The following GLG1 variants were observed in gnomAD, a reference collection of about 807,000 sequenced individuals.
GLG1 encodes golgi glycoprotein 1, also known as Golgi apparatus protein 1.
A neutral mutation model predicts 160.5 loss-of-function variants in GLG1; 38 were observed. The ratio of observed to expected loss-of-function variants is 0.24; its 90% confidence interval spans 0.18 to 0.31. The LOEUF (loss-of-function observed/expected upper bound fraction) is 0.31, where lower values mean the gene tolerates loss of function less well. Among genes scored for constraint, GLG1 ranks in the 10% least tolerant of loss-of-function variants. GLG1 has a pLI of 1.00. For synonymous variants in GLG1, 644 were observed against 543.4 expected (o/e 1.19, Z -2.57); for missense variants, 1,373 against 1,505.2 (o/e 0.91, Z 1.45).
At chr16:74,497,434 CTTTTTTTTTTTT>C (rs773526380) in intron 4 of GLG1, among the ~76,000 whole-genome samples, 15 of 117,142 alleles carry the variant, frequency 1.3e-4, no homozygotes, top group Non-Finnish European at 2.3e-4. Context: ...ACAGTGCTTG[CTTTTTTTTTTTT>C]TTTTTTTTTG....
chr16:74,604,926 G>A (rs947187471), intron 1 of GLG1, among the ~76,000 whole-genome samples: 4 of 152,156 alleles, frequency 2.6e-5, no homozygotes, highest in African/African-American at 9.7e-5. Context: ...GCGCTCGCCT[G>A]TAGTCCCAGG....
At position 74,600,343 on chromosome 16, in the gene GLG1, T is replaced by C. The variant is rs1337843643; in HGVS notation, c.438+6314A>G. Among the ~76,000 whole-genome samples the C allele has an allele frequency of 8.7e-5, 12 of 137,774 alleles. No homozygotes were observed. The East Asian group carries it at 2.8e-3, about 32-fold the overall frequency. 90.4% of individuals were successfully genotyped at this position (137,774 alleles called of 152,430 possible). On this transcript the variant is annotated intron_variant, in intron 1 of 25. Transcript: ENST00000422840. ...AGGAGTTTGAGGTTGCAGTGAGCCA[T>C]GATCATGCCACTGCACTCCAGCCAG... is the stretch of plus-strand genomic sequence containing the variant.
At chr16:74,567,200 G>C (rs1010831155) in intron 1 of GLG1, among the ~76,000 whole-genome samples, 10 of 147,358 alleles carry the variant, frequency 6.8e-5, no homozygotes, top group Non-Finnish European at 1.4e-4. Flanking sequence ...TAGGGAGCGG[G>C]GAGAGAGAGA....
At chr16:74,569,359 T>C (rs942823937) in intron 1 of GLG1, among the ~76,000 whole-genome samples, 4 of 152,206 alleles carry the variant, frequency 2.6e-5, no homozygotes, top group African/African-American at 9.7e-5. Context: ...AATAGACATT[T>C]AAACACAGTA....
intron 21 of GLG1, 74 bp from the exon 22 acceptor site, chr16:74,462,269 A>C: frequency 2.3e-6 from 2 of 870,408 alleles, no homozygotes; most frequent in Non-Finnish European, 3.7e-6. Context: ...GACATGAAAA[A>C]AAAAACAAAC....
At chr16:74,592,668 A>G (rs1420924344) in intron 1 of GLG1, among the ~76,000 whole-genome samples, 1 of 152,186 alleles carries the variant, frequency 6.6e-6, no homozygotes, top group Admixed American at 6.6e-5. Flanking sequence ...ATAACTGGTA[A>G]GTGAGCTAGG....
At chr16:74,479,870 G>T (rs1488034724) in intron 11 of GLG1, among the ~76,000 whole-genome samples, 1 of 152,188 alleles carries the variant, frequency 6.6e-6, no homozygotes, top group Non-Finnish European at 1.5e-5. Context: ...GTGTTCAGCT[G>T]CCAAGAGGAG....
rs1033874602 is a variant in GLG1 at position 74,503,206 on chromosome 16, CA to C, written c.774+324del. ...TGGGAAACAGAGGGAGACTCTGTTT[CA>C]AAAAAAAAATATTAGAGAACTCAGG... On this transcript the variant is annotated intron_variant, in intron 4 of 25. Transcript: ENST00000422840. 3.4e-5 allele frequency among the ~76,000 whole-genome samples: 5 copies of C among 147,502 alleles called. No individual in the cohort carries two copies. In the East Asian group the frequency reaches 8.0e-4, roughly 24 times the overall value.
At chr16:74,459,177 T>C (rs191841933) in intron 23 of GLG1, among the ~76,000 whole-genome samples, 71 of 152,294 alleles carry the variant, frequency 4.7e-4, no homozygotes, top group Non-Finnish European at 7.9e-4. Context: ...AGTGAAATTC[T>C]TTTTTAAAAG....
At chr16:74,599,803 G>A (rs1048617809) in intron 1 of GLG1, among the ~76,000 whole-genome samples, 8 of 151,896 alleles carry the variant, frequency 5.3e-5, no homozygotes, top group Non-Finnish European at 8.8e-5. Context: ...GGTAGAGCTT[G>A]CAGTGAGCCG....
At chr16:74,534,831 G>C (rs1316288036) in intron 1 of GLG1, among the ~76,000 whole-genome samples, 6 of 152,334 alleles carry the variant, frequency 3.9e-5, no homozygotes, top group South Asian at 2.1e-4. Context: ...AGTTAATTGA[G>C]TCTCCATGGA....
chr16:74,510,153 T>A (rs541629505), intron 2 of GLG1, among the ~76,000 whole-genome samples: 2 of 151,496 alleles, frequency 1.3e-5, no homozygotes, highest in Non-Finnish European at 2.9e-5. Context: ...TGCCTCGGCC[T>A]CCCGAGTAGC....
Position 74,457,946 on chromosome 16 carries a change from G to C in GLG1, c.3193C>G (p.Pro1065Ala). ...KESKADIFVD[P>A]VLHTACALDI... ...AGGGCACAAGCAGTATGAAGTACCGGGTCAACAAAGATGTCTGCTTTGCTT... is the reference window on the plus strand; with the variant it reads ...AGGGCACAAGCAGTATGAAGTACCGCGTCAACAAAGATGTCTGCTTTGCTT... The change falls in exon 24 of 26, where the codon CCG (proline) becomes GCG (alanine). Residue 1065 changes from proline to alanine, a missense_variant. By Grantham distance (27) the Pro-to-Ala change is conservative. This residue lies in a region of GLG1 where 491 missense variants were observed against 632.1 expected (regional missense o/e 0.78). Coordinates refer to ENST00000422840, the MANE Select transcript of GLG1 (RefSeq NM_001145667.2). 1 of 1,613,548 alleles carries C rather than the reference G, an allele frequency of 6.2e-7. No individual in the cohort carries two copies. Among genetic ancestry groups the C allele is most frequent in the Non-Finnish European group, 8.5e-7 (1 of 1,179,514 alleles).
At chr16:74,584,393 C>T (rs572289720) in intron 1 of GLG1, among the ~76,000 whole-genome samples, 7 of 152,174 alleles carry the variant, frequency 4.6e-5, no homozygotes, top group East Asian at 1.9e-4. Flanking sequence ...CATTAATTAA[C>T]GAAGTTTTGT....
intron 1 of GLG1, among the ~76,000 whole-genome samples, chr16:74,603,567 C>T (rs925084510): frequency 4.6e-5 from 7 of 152,122 alleles, no homozygotes; most frequent in South Asian, 2.1e-4. Flanking sequence ...TGAGCCACTG[C>T]GCCCGGCTGA....
At chr16:74,522,508 G>A (rs966501152) in intron 2 of GLG1, among the ~76,000 whole-genome samples, 2 of 152,136 alleles carry the variant, frequency 1.3e-5, no homozygotes, top group African/African-American at 4.8e-5. Flanking sequence ...TCATTCAGAC[G>A]TCATCTTTGA....
intron 1 of GLG1, among the ~76,000 whole-genome samples, chr16:74,560,828 A>G (rs2018491509): frequency 6.6e-6 from 1 of 152,212 alleles, no homozygotes; most frequent in Non-Finnish European, 1.5e-5. Flanking sequence ...AAAGAAAAAA[A>G]GAAGGGAGGA....
chr16:74,519,722 C>T (rs1287643871), intron 2 of GLG1, among the ~76,000 whole-genome samples: 2 of 152,164 alleles, frequency 1.3e-5, no homozygotes, highest in Non-Finnish European at 2.9e-5. Context: ...GCCCCACCCA[C>T]TCCCCAGAAG....
At chr16:74,477,554 T>A in intron 11 of GLG1, 21 bp from the exon 12 acceptor site, 1 of 1,601,104 alleles carries the variant, frequency 6.2e-7, no homozygotes, top group Non-Finnish European at 8.5e-7. Flanking sequence ...AAAAATGAGC[T>A]AAATACTTGA....
Sources: allele counts gnomAD v4.1 joint callset (sites outside exome capture counted in the v4.1 genomes callset), GRCh38; gene constraint gnomAD v4.1.1; regional missense constraint gnomAD v4.1.1; transcripts MANE v1.5; gene names NCBI Gene and HGNC (gene_info 2026-07-23, HGNC 2026-07-21).